Variants in PPT1 observed in about 807,000 individuals in gnomAD.
PPT1 encodes the protein ceroid-palmitoyl-palmitoyl-protein thioesterase 1.
PPT1 carries 24 observed loss-of-function variants against 44.0 expected under a neutral mutation model. The observed-to-expected ratio is 0.54, with a 90% CI of 0.39 to 0.77. The LOEUF is 0.77. Ranked by LOEUF, PPT1 falls within the 30% of genes least tolerant of loss-of-function variation. The pLI is 0.00. For missense variants in PPT1, 341 were observed against 378.8 expected (o/e 0.90, Z 0.83); for synonymous variants, 148 against 140.2 (o/e 1.06, Z -0.39).
intron 5 of PPT1, among the ~76,000 whole-genome samples, chr1:40,084,880 G>A (rs894850910): frequency 5.3e-5 from 8 of 152,230 alleles, no homozygotes; most frequent in Non-Finnish European, 7.3e-5. Context: ...GCCACTAGAG[G>A]GCTCCTTGGT....
intron 6 of PPT1, 43 bp from the exon 7 acceptor site, chr1:40,078,701 C>T (rs1570454887): frequency 1.3e-6 from 2 of 1,511,396 alleles, no homozygotes; most frequent in East Asian, 2.3e-5. Context: ...TACCATCAGA[C>T]ACCAGCAGAG....
chr1:40,081,423 C>G (rs539753463), intron 5 of PPT1, among the ~76,000 whole-genome samples: 1 of 152,038 alleles, frequency 6.6e-6, no homozygotes, highest in Non-Finnish European at 1.5e-5. Flanking sequence ...GTAATCCCAG[C>G]TACTTGGGAG....
At position 40,079,363 on chromosome 1, in the gene PPT1, C is replaced by T. The variant is rs999242858; in HGVS notation, c.628-705G>A. ...TTTCCTTTGGGTATATACCCAGTCACGGGATTGCTTACACAGCCTTTTCTT... is the reference window on the plus strand; with the variant it reads ...TTTCCTTTGGGTATATACCCAGTCATGGGATTGCTTACACAGCCTTTTCTT... On this transcript the variant is annotated intron_variant, in intron 6 of 8. Coordinates refer to ENST00000642050, the MANE Select transcript of PPT1 (RefSeq NM_000310.4). 4.1e-5 allele frequency among the ~76,000 whole-genome samples: 6 copies of T among 146,512 alleles called. No homozygotes were observed. In the South Asian group the frequency reaches 1.1e-3, roughly 27 times the overall value.
chr1:40,082,974 T>C (rs1458495079), intron 5 of PPT1, among the ~76,000 whole-genome samples: 1 of 152,306 alleles, frequency 6.6e-6, no homozygotes, highest in African/African-American at 2.4e-5. Flanking sequence ...CTGAAGCCAA[T>C]GCTGGGTTAC....
intron 1 of PPT1, chr1:40,093,883 CAAAAAAAAA>C: frequency 4.5e-6 from 2 of 449,428 alleles, no homozygotes; most frequent in South Asian, 2.9e-5. Flanking sequence ...GGCTCCATCT[CAAAAAAAAA>C]AAAAAAAAAA....
intron 1 of PPT1, among the ~76,000 whole-genome samples, chr1:40,095,118 C>T (rs1337006226): frequency 1.3e-5 from 2 of 152,180 alleles, no homozygotes; most frequent in East Asian, 3.8e-4. Context: ...CCTTTATCTT[C>T]CTTGACCCAT....
At chr1:40,093,946 G>A (rs976540455) in intron 1 of PPT1, 26 of 713,336 alleles carry the variant, frequency 3.6e-5, no homozygotes, top group African/African-American at 2.0e-4. Flanking sequence ...TCATCCCAGC[G>A]CTTTGGTAAG....
At position 40,080,800 on chromosome 1, in the gene PPT1, G is replaced by A. The variant is rs894375642; in HGVS notation, c.537-313C>T. On this transcript the variant is annotated intron_variant, in intron 5 of 8. Coordinates refer to ENST00000642050, the MANE Select transcript of PPT1 (RefSeq NM_000310.4). Reference sequence around the variant, plus strand: ...GAGGCAGGAGAACTGCTAGAACCCCGGCGGCAGAGGTTGCAGTGAGCTGAG... The same window carrying A: ...GAGGCAGGAGAACTGCTAGAACCCCAGCGGCAGAGGTTGCAGTGAGCTGAG... Among the ~76,000 whole-genome samples the A allele has an allele frequency of 2.6e-5, 4 of 152,168 alleles. No individual in the cohort carries two copies. In the East Asian group the frequency reaches 5.8e-4, roughly 22 times the overall value.
At chr1:40,080,974 C>A (rs1019612912) in intron 5 of PPT1, among the ~76,000 whole-genome samples, 1 of 152,150 alleles carries the variant, frequency 6.6e-6, no homozygotes, top group Non-Finnish European at 1.5e-5. Context: ...CAACAAGACA[C>A]CTTGTTGAGA....
rs1460913262 is a variant in PPT1 at position 40,092,025 on chromosome 1, T to C, written c.362+20A>G. 2.5e-6 allele frequency: 4 copies of C among 1,613,600 alleles called. No homozygotes were observed. The highest frequency in any genetic ancestry group is 3.4e-6 in the Non-Finnish European group (4 of 1,179,722). ...AATCAATTCCATATAAGTGGTACAATATAACAAAAAGGAACGTACAGAAAT... is the reference window on the plus strand; with the variant it reads ...AATCAATTCCATATAAGTGGTACAACATAACAAAAAGGAACGTACAGAAAT... On this transcript the variant is annotated intron_variant, in intron 3 of 8. Coordinates refer to ENST00000642050, the MANE Select transcript of PPT1 (RefSeq NM_000310.4).
chr1:40,092,305 C>G (rs1649609763), intron 2 of PPT1, 93 bp downstream of exon 2: 6 of 1,528,284 alleles, frequency 3.9e-6, no homozygotes, highest in Non-Finnish European at 5.4e-6. Flanking sequence ...ACTGTATGAT[C>G]TGCTGCTGAA....
chr1:40,074,379 TTTC>T (rs1469337555), intron 8 of PPT1, among the ~76,000 whole-genome samples, 196 bp from the exon 9 acceptor site: 2 of 151,594 alleles, frequency 1.3e-5, no homozygotes, highest in African/African-American at 2.4e-5. Context: ...TTTCTTTCTC[TTTC>T]TTCCTTTCTT....
intron 1 of PPT1, among the ~76,000 whole-genome samples, chr1:40,095,098 C>T (rs1214193544): frequency 6.6e-6 from 1 of 152,202 alleles, no homozygotes; most frequent in African/African-American, 2.4e-5. Context: ...ATCCAATAAT[C>T]AGTTGTCAGC....
intron 1 of PPT1, among the ~76,000 whole-genome samples, chr1:40,092,880 T>C (rs1321110440): frequency 6.6e-6 from 1 of 152,180 alleles, no homozygotes; most frequent in Non-Finnish European, 1.5e-5. Context: ...AAATAACAAG[T>C]ATTGTCAACG....
rs1649913737 is a variant in PPT1 at position 40,097,251 on chromosome 1, A to G, written c.-13T>C. The stretch of plus-strand genomic sequence containing the variant: ...CGGGCGACGCCATCTTCGCTGTGTC[A>G]CATGACCGCGGGCGCGAGACTCCGG... On this transcript the variant is annotated 5_prime_UTR_variant, in exon 1 of 9. Coordinates refer to ENST00000642050, the MANE Select transcript of PPT1 (RefSeq NM_000310.4). 4 of 1,613,328 alleles carry G rather than the reference A, an allele frequency of 2.5e-6. No individual in the cohort carries two copies. The East Asian group carries it at 8.9e-5, about 36-fold the overall frequency.
intron 8 of PPT1, 107 bp downstream of exon 8, chr1:40,076,735 G>C: frequency 1.3e-6 from 2 of 1,599,678 alleles, no homozygotes; most frequent in South Asian, 2.2e-5. Context: ...AGTACCTAGT[G>C]CTCTGAGGTG....
intron 1 of PPT1, chr1:40,096,843 C>A: frequency 9.5e-6 from 5 of 527,446 alleles, no homozygotes; most frequent in Non-Finnish European, 1.7e-5. Context: ...TGCATCCTGA[C>A]GCCACTACTG....
intron 4 of PPT1, among the ~76,000 whole-genome samples, chr1:40,090,501 T>G (rs1649509715): frequency 6.6e-6 from 1 of 152,234 alleles, no homozygotes; most frequent in Non-Finnish European, 1.5e-5. Context: ...TATATATATA[T>G]ATTTCATGAA....
intron 1 of PPT1, among the ~76,000 whole-genome samples, chr1:40,094,713 C>T (rs1649753896): frequency 6.6e-6 from 1 of 152,176 alleles, no homozygotes; most frequent in Admixed American, 6.5e-5. Flanking sequence ...CTTACTTATT[C>T]CATTTTCAAC....
Sources: allele counts gnomAD v4.1 joint callset (sites outside exome capture counted in the v4.1 genomes callset), GRCh38; gene constraint gnomAD v4.1.1; transcripts MANE v1.5; gene names NCBI Gene and HGNC (gene_info 2026-07-23, HGNC 2026-07-21).